Variants in KITLG observed in about 807,000 individuals in gnomAD.
KITLG encodes c-Kit ligand.
A neutral mutation model predicts 34.1 loss-of-function variants in KITLG; 13 were observed. The observed-to-expected ratio is 0.38, with a 90% CI of 0.25 to 0.61. The LOEUF (loss-of-function observed/expected upper bound fraction) is 0.61, where lower values mean the gene tolerates loss of function less well. KITLG is among the 20% of genes least tolerant of loss of function. The probability of loss-of-function intolerance (pLI) is 0.60; values close to 1 mark genes in which losing one functional copy is unlikely to be tolerated. For missense variants in KITLG, 292 were observed against 318.9 expected (o/e 0.92, Z 0.64); for synonymous variants, 110 against 104.0 (o/e 1.06, Z -0.35).
intron 3 of KITLG, among the ~76,000 whole-genome samples, chr12:88,531,400 A>C (rs1014092499): frequency 4.6e-5 from 7 of 152,218 alleles, no homozygotes; most frequent in Non-Finnish European, 1.0e-4. Context: ...GTAATGTTTC[A>C]TTATTAAAAA....
chr12:88,573,669 G>A (rs748440055), intron 1 of KITLG, among the ~76,000 whole-genome samples: 2 of 152,184 alleles, frequency 1.3e-5, no homozygotes, highest in Non-Finnish European at 2.9e-5. Flanking sequence ...AGGCAACACA[G>A]TATGGGCATA....
intron 2 of KITLG, among the ~76,000 whole-genome samples, chr12:88,545,274 G>C (rs1325097889): frequency 6.6e-6 from 1 of 152,210 alleles, no homozygotes; most frequent in Non-Finnish European, 1.5e-5. Context: ...TTCCCTGAAG[G>C]AGCAAACACC....
intron 2 of KITLG, among the ~76,000 whole-genome samples, chr12:88,536,220 A>T (rs1300399941): frequency 6.6e-6 from 1 of 152,286 alleles, no homozygotes; most frequent in South Asian, 2.1e-4. Flanking sequence ...AAATAACCCC[A>T]TAAACAACAA....
At chr12:88,550,292 T>A (rs1870851821) in intron 1 of KITLG, among the ~76,000 whole-genome samples, 1 of 152,166 alleles carries the variant, frequency 6.6e-6, no homozygotes, top group African/African-American at 2.4e-5. Flanking sequence ...AATGAGTGTA[T>A]GCCTATGGGA....
rs76945212 is a variant in KITLG, at chr12:88,509,711, T to C, written c.605-2574A>G. ...CATAGAGGTCAATGTTACCTCACTT[T>C]TTTTATTTCACTTGTTCATGCGTGG... is the stretch of plus-strand genomic sequence containing the variant. On this transcript the variant is annotated intron_variant, in intron 6 of 9. Transcript: ENST00000644744. 8.2e-4 allele frequency among the ~76,000 whole-genome samples: 125 copies of C among 152,276 alleles called. 2 individuals are homozygous for C. The East Asian group carries it at 0.02, about 25-fold the overall frequency.
chr12:88,518,100 C>A (rs1355592481), intron 4 of KITLG, among the ~76,000 whole-genome samples: 1 of 152,040 alleles, frequency 6.6e-6, no homozygotes, highest in Non-Finnish European at 1.5e-5. Context: ...TCTGGCATTG[C>A]CCCCATTTTA....
chr12:88,544,592 G>A (rs560403217), intron 2 of KITLG, among the ~76,000 whole-genome samples: 1 of 151,940 alleles, frequency 6.6e-6, no homozygotes, highest in South Asian at 2.1e-4. Context: ...ACTCTTGCAT[G>A]GCTTTGCTCA....
chr12:88,506,505 A>T, intron 7 of KITLG, 127 bp from the exon 8 acceptor site: 1 of 729,198 alleles, frequency 1.4e-6, no homozygotes, highest in South Asian at 1.5e-5. Flanking sequence ...AGCATGTAGC[A>T]TGCAAAATAT....
At chr12:88,556,073 T>A (rs1002079539) in intron 1 of KITLG, among the ~76,000 whole-genome samples, 6 of 151,834 alleles carry the variant, frequency 4.0e-5, no homozygotes, top group African/African-American at 1.5e-4. Context: ...CCAAAGGTGA[T>A]CGGGGGCAGC....
intron 1 of KITLG, among the ~76,000 whole-genome samples, chr12:88,558,526 A>C (rs1046058869): frequency 1.3e-5 from 2 of 152,248 alleles, no homozygotes; most frequent in African/African-American, 4.8e-5. Flanking sequence ...TTTGCGAATT[A>C]TGCAATGTGT....
chr12:88,559,825 A>G (rs1464346415), intron 1 of KITLG, among the ~76,000 whole-genome samples: 1 of 152,228 alleles, frequency 6.6e-6, no homozygotes, highest in African/African-American at 2.4e-5. Flanking sequence ...TGCCTGGGAC[A>G]AGTTCCTCTG....
chr12:88,507,979 G>T (rs1393635412), intron 6 of KITLG, among the ~76,000 whole-genome samples: 1 of 152,100 alleles, frequency 6.6e-6, no homozygotes, highest in African/African-American at 2.4e-5. Context: ...CTGAGATCCA[G>T]AGTTCAAGAC....
intron 1 of KITLG, 185 bp from the exon 2 acceptor site, chr12:88,546,050 T>C (rs763838476): frequency 2.8e-6 from 2 of 701,902 alleles, no homozygotes; most frequent in South Asian, 2.9e-5. Context: ...TTAGTTAAAA[T>C]CCATTTTGAA....
intron 1 of KITLG, among the ~76,000 whole-genome samples, chr12:88,562,072 G>A (rs374895572): frequency 3.9e-5 from 6 of 152,200 alleles, no homozygotes; most frequent in African/African-American, 1.4e-4. Flanking sequence ...GAATATACAT[G>A]GTATAAGAAT....
chr12:88,521,025 G>A (rs1869636577), intron 3 of KITLG, among the ~76,000 whole-genome samples: 1 of 152,074 alleles, frequency 6.6e-6, no homozygotes, highest in African/African-American at 2.4e-5. Flanking sequence ...TAAACTACGT[G>A]CCTACACAGC....
intron 1 of KITLG, among the ~76,000 whole-genome samples, chr12:88,560,912 G>A (rs1226458506): frequency 7.1e-6 from 1 of 140,292 alleles, no homozygotes; most frequent in Non-Finnish European, 1.5e-5. Context: ...AGGTTGCGGT[G>A]AGCCGAGATC....
chr12:88,501,905 C>T (rs1868874400), intron 9 of KITLG, among the ~76,000 whole-genome samples: 3 of 151,388 alleles, frequency 2.0e-5, no homozygotes, highest in Admixed American at 2.0e-4. Context: ...AGTGGGGCTC[C>T]AAAACTAAAT....
chr12:88,532,446 C>T lies in KITLG; in HGVS notation c.187G>A (p.Val63Ile), dbSNP rs887684880. ...ITLKYVPGMD[V>I]LPSHCWISEM... ...CAGAAATGTAGTTTACATACCAAAA[C>T]ATCCATCCCGGGGACATATTTGAGG... The change falls in exon 3 of 10, where the codon GTT becomes ATT. Residue 63 changes from valine (V) to isoleucine (I), a missense_variant. Physicochemically the swap from Val to Ile is conservative, Grantham distance 29. This residue lies in a region of KITLG where 152 missense variants were observed against 207.9 expected (regional missense o/e 0.73). Transcript: ENST00000644744. 6.2e-7 allele frequency: 1 copy of T among 1,608,938 alleles called. No homozygotes were observed. Among genetic ancestry groups the T allele is most frequent in the Non-Finnish European group, 8.5e-7 (1 of 1,176,588 alleles).
intron 9 of KITLG, among the ~76,000 whole-genome samples, chr12:88,497,801 A>C (rs1219925251): frequency 6.6e-6 from 1 of 152,192 alleles, no homozygotes; most frequent in Non-Finnish European, 1.5e-5. Flanking sequence ...TCACATGGCC[A>C]CTGAGCCGCT....
Sources: allele counts gnomAD v4.1 joint callset (sites outside exome capture counted in the v4.1 genomes callset), GRCh38; gene constraint gnomAD v4.1.1; regional missense constraint gnomAD v4.1.1; transcripts MANE v1.5; gene names NCBI Gene and HGNC (gene_info 2026-07-23, HGNC 2026-07-21).